Variants in MYLK observed in about 807,000 individuals in gnomAD.
MYLK encodes the protein myosin light chain kinase, smooth muscle.
Under a neutral mutation model 203.4 loss-of-function variants are expected in MYLK, and 106 were observed. The ratio of observed to expected loss-of-function variants is 0.52; its 90% CI spans 0.45 to 0.61. The LOEUF is 0.61. Ranked by LOEUF, MYLK falls within the 20% of genes least tolerant of loss-of-function variation. The pLI is 0.00. For missense variants in MYLK, 2,072 were observed against 2,442.3 expected (o/e 0.85, Z 3.20); for synonymous variants, 867 against 959.5 (o/e 0.90, Z 1.78).
At chr3:123,785,670 G>A (rs1467316790) in intron 4 of MYLK, among the ~76,000 whole-genome samples, 1 of 152,208 alleles carries the variant, frequency 6.6e-6, no homozygotes, top group Non-Finnish European at 1.5e-5. Context: ...AGTATGGGAA[G>A]TTGAATTATG....
chr3:123,760,014 G>C (rs1173717087), intron 4 of MYLK, among the ~76,000 whole-genome samples: 1 of 152,196 alleles, frequency 6.6e-6, no homozygotes, highest in Non-Finnish European at 1.5e-5. Flanking sequence ...ACTTCAGGAA[G>C]GTATATGGCC....
chr3:123,803,123 G>T (rs2065252106), intron 3 of MYLK, among the ~76,000 whole-genome samples: 1 of 152,276 alleles, frequency 6.6e-6, no homozygotes, highest in Admixed American at 6.5e-5. Context: ...TAGGAGGGTG[G>T]CTTGAGGCAA....
rs112406630 is a variant in MYLK at position 123,717,858 on chromosome 3, T to C, written c.1804+4270A>G. On this transcript the variant is annotated intron_variant, in intron 13 of 33. Coordinates refer to ENST00000360304, the MANE Select transcript of MYLK (RefSeq NM_053025.4). ...GGGACTCTTTTTTTTTTTTTTTTTT[T>C]TTTTTTTTTTTTTTTGAGACAGGGT... Among the ~76,000 whole-genome samples, 72 of 140,980 alleles carry C rather than the reference T, an allele frequency of 5.1e-4. No individual in the cohort carries two copies. The South Asian group carries it at 5.4e-3, about 11-fold the overall frequency. The allele number at this position is 140,980 out of a possible 152,430, so 92.5% of individuals were successfully genotyped here. A position where few individuals can be genotyped will look rare whatever the true frequency, so the allele number is the denominator to read the frequency against.
chr3:123,822,454 GT>G (rs2065970039), intron 3 of MYLK, among the ~76,000 whole-genome samples: 1 of 152,182 alleles, frequency 6.6e-6, no homozygotes, highest in African/African-American at 2.4e-5. Context: ...TGGTAGTTCT[GT>G]GTAAGAAACC....
chr3:123,801,247 A>G lies in MYLK; in HGVS notation c.-3-7403T>C, dbSNP rs1231427910. ...TCTTACAAAAATAACTTGGACCTCA[A>G]GGGACCCTGGAAGAGTCTCAGGGAC... On this transcript the variant is annotated intron_variant, in intron 3 of 33. Transcript: ENST00000360304. 2.0e-5 allele frequency among the ~76,000 whole-genome samples: 3 copies of G among 152,332 alleles called. No individual in the cohort carries two copies. The East Asian group carries it at 5.8e-4, about 29-fold the overall frequency.
chr3:123,774,796 T>C (rs1016520880), intron 4 of MYLK, among the ~76,000 whole-genome samples: 7 of 152,182 alleles, frequency 4.6e-5, no homozygotes, highest in African/African-American at 1.7e-4. Flanking sequence ...TCTGAATGCT[T>C]CTTTCCTATA....
chr3:123,804,097 G>C (rs888396669), intron 3 of MYLK, among the ~76,000 whole-genome samples: 26 of 152,198 alleles, frequency 1.7e-4, no homozygotes, highest in African/African-American at 6.3e-4. Context: ...AAAATTAATG[G>C]GGCAGGATGT....
chr3:123,707,609 A>G lies in MYLK; in HGVS notation c.2390+145T>C, dbSNP rs1353489066. ...GAAGTGGAAGAAGCAAAAGCTTGTG[A>G]GCAGCACTGAGCCCGCACTTGCTTT... On this transcript the variant is annotated intron_variant, in intron 16 of 33. Coordinates refer to ENST00000360304, the MANE Select transcript of MYLK (RefSeq NM_053025.4). The G allele has an allele frequency of 2.4e-6, 3 of 1,239,280 alleles. No individual in the cohort carries two copies. In the East Asian group the frequency reaches 7.0e-5, roughly 29 times the overall value. 76.8% of individuals were successfully genotyped at this position (1,239,280 alleles called of 1,614,324 possible). A position where few individuals can be genotyped will look rare whatever the true frequency, so the allele number is the denominator to read the frequency against.
At chr3:123,727,501 T>A (rs914922257) in intron 11 of MYLK, among the ~76,000 whole-genome samples, 5 of 152,250 alleles carry the variant, frequency 3.3e-5, no homozygotes, top group Non-Finnish European at 7.3e-5. Context: ...GAAATGGGTA[T>A]GATTTTCTTG....
At chr3:123,881,537 T>C (rs1383754841) in intron 1 of MYLK, among the ~76,000 whole-genome samples, 2 of 152,140 alleles carry the variant, frequency 1.3e-5, no homozygotes, top group African/African-American at 4.8e-5. Context: ...AGTAGGCTTA[T>C]ATTTCCAGAC....
chr3:123,755,032 G>A (rs1252120396), intron 4 of MYLK, among the ~76,000 whole-genome samples: 13 of 152,152 alleles, frequency 8.5e-5, no homozygotes, highest in Admixed American at 7.9e-4. Flanking sequence ...TATTCTTCTC[G>A]TGTGAAACCC....
intron 4 of MYLK, among the ~76,000 whole-genome samples, chr3:123,782,445 T>C (rs1225585462): frequency 1.3e-5 from 2 of 152,244 alleles, no homozygotes; most frequent in East Asian, 1.9e-4. Flanking sequence ...TCAACTCACA[T>C]TGGTCATTAT....
chr3:123,776,775 T>C (rs536831725), intron 4 of MYLK, among the ~76,000 whole-genome samples: 116 of 152,346 alleles, frequency 7.6e-4, no homozygotes, highest in African/African-American at 2.6e-3. Context: ...CCCCATTTTA[T>C]AGATAGGAGC....
chr3:123,756,466 T>G (rs2063362895), intron 4 of MYLK, among the ~76,000 whole-genome samples: 1 of 152,206 alleles, frequency 6.6e-6, no homozygotes, highest in African/African-American at 2.4e-5. Flanking sequence ...ACTCTGGGCC[T>G]GGCTTGGTGT....
At chr3:123,732,346 T>C (rs1429786635) in intron 11 of MYLK, among the ~76,000 whole-genome samples, 4 of 152,232 alleles carry the variant, frequency 2.6e-5, no homozygotes, top group Non-Finnish European at 5.9e-5. Flanking sequence ...TATAAAAAGA[T>C]GTTAATATCA....
At chr3:123,626,264 C>T (rs538717843) in intron 31 of MYLK, among the ~76,000 whole-genome samples, 2 of 152,290 alleles carry the variant, frequency 1.3e-5, no homozygotes, top group East Asian at 3.9e-4. Context: ...TCATAATTAT[C>T]ACAACAATGC....
chr3:123,704,118 G>A (rs1250097760), intron 16 of MYLK, among the ~76,000 whole-genome samples: 1 of 152,200 alleles, frequency 6.6e-6, no homozygotes, highest in Admixed American at 6.5e-5. Context: ...TTACCCTGTG[G>A]CCCCCAGCAG....
At chr3:123,687,596 C>G (rs965616426) in intron 19 of MYLK, among the ~76,000 whole-genome samples, 1 of 151,550 alleles carries the variant, frequency 6.6e-6, no homozygotes, top group Non-Finnish European at 1.5e-5. Context: ...TTCTTCCTTC[C>G]TTCCTTCCTT....
intron 3 of MYLK, among the ~76,000 whole-genome samples, chr3:123,814,874 C>T (rs184674638): frequency 3.3e-4 from 50 of 152,202 alleles, no homozygotes; most frequent in African/African-American, 1.2e-3. Context: ...CTCACTGCAA[C>T]CTCCACCTCC....
Sources: allele counts gnomAD v4.1 joint callset (sites outside exome capture counted in the v4.1 genomes callset), GRCh38; gene constraint gnomAD v4.1.1; transcripts MANE v1.5; gene names NCBI Gene and HGNC (gene_info 2026-07-23, HGNC 2026-07-21).